KIFAP3: variants seen among roughly 807,000 people sequenced by gnomAD.
The protein encoded by KIFAP3 is kinesin-associated protein 3.
Under a neutral mutation model 106.5 loss-of-function variants are expected in KIFAP3, and 68 were observed. The observed-to-expected ratio is 0.64, with a 90% confidence interval of 0.53 to 0.78. KIFAP3 has a LOEUF of 0.78. Ranked by LOEUF, KIFAP3 falls within the 30% of genes least tolerant of loss-of-function variation. The probability of loss-of-function intolerance (pLI) is 0.00; values close to 1 mark genes in which losing one functional copy is unlikely to be tolerated. For synonymous variants in KIFAP3, 320 were observed against 311.5 expected (o/e 1.03, Z -0.29); for missense variants, 780 against 941.8 (o/e 0.83, Z 2.25).
intron 3 of KIFAP3, 24 bp from the exon 4 acceptor site, chr1:170,039,312 AAGG>A: frequency 7.1e-7 from 1 of 1,406,204 alleles, no homozygotes; most frequent in Non-Finnish European, 9.9e-7. Flanking sequence ...TTTTTTTAAT[AAGG>A]AGACTTAGGT....
chr1:170,074,730 C>T, upstream of KIFAP3: 1 of 1,359,176 alleles, frequency 7.4e-7, no homozygotes, highest in Non-Finnish European at 9.5e-7. Context: ...GCTTGCTCTG[C>T]ACCTCTTGTA....
intron 8 of KIFAP3, among the ~76,000 whole-genome samples, chr1:170,030,520 G>A (rs913017722): frequency 6.6e-6 from 1 of 151,814 alleles, no homozygotes; most frequent in African/African-American, 2.4e-5. Flanking sequence ...ACAAAGACTT[G>A]TAGAAAAATG....
intron 18 of KIFAP3, among the ~76,000 whole-genome samples, chr1:169,957,545 T>TA (rs1665088931): frequency 6.6e-6 from 1 of 152,022 alleles, no homozygotes; most frequent in Non-Finnish European, 1.5e-5. Context: ...CATTGTGAAT[T>TA]AAAAAAAATA....
At chr1:169,990,928 T>C (rs1667063289) in intron 11 of KIFAP3, among the ~76,000 whole-genome samples, 1 of 152,054 alleles carries the variant, frequency 6.6e-6, no homozygotes, top group Admixed American at 6.6e-5. Context: ...ATATTAACCA[T>C]AAACAAAATT....
At chr1:169,989,349 A>C (rs1385452524) in intron 11 of KIFAP3, among the ~76,000 whole-genome samples, 1 of 151,970 alleles carries the variant, frequency 6.6e-6, no homozygotes, top group Non-Finnish European at 1.5e-5. Flanking sequence ...ATTTAATGCT[A>C]TTCTCTTTAA....
intron 10 of KIFAP3, among the ~76,000 whole-genome samples, chr1:170,007,223 T>G (rs1042091524): frequency 3.3e-5 from 5 of 151,440 alleles, no homozygotes; most frequent in African/African-American, 1.2e-4. Flanking sequence ...AGTGACAGCC[T>G]GATTGGAAAA....
At chr1:170,043,799 T>C (rs570283206) in intron 3 of KIFAP3, among the ~76,000 whole-genome samples, 2 of 152,194 alleles carry the variant, frequency 1.3e-5, no homozygotes, top group African/African-American at 4.8e-5. Flanking sequence ...AGACAGTTAT[T>C]AAGAAATTGA....
At chr1:170,069,562 G>A (rs1450493627) in intron 1 of KIFAP3, among the ~76,000 whole-genome samples, 1 of 152,012 alleles carries the variant, frequency 6.6e-6, no homozygotes, top group Non-Finnish European at 1.5e-5. Flanking sequence ...AAGAAAAAAA[G>A]TACATGATTA....
At chr1:170,054,397 G>A (rs1250127932) in intron 2 of KIFAP3, among the ~76,000 whole-genome samples, 1 of 152,068 alleles carries the variant, frequency 6.6e-6, no homozygotes, top group African/African-American at 2.4e-5. Flanking sequence ...GGAAGACGGT[G>A]TGGCGATTCC....
chr1:170,074,498 G>C lies in KIFAP3; in HGVS notation c.-31C>G. The C allele has an allele frequency of 1.2e-6, 2 of 1,613,672 alleles. No individual in the cohort carries two copies. Among genetic ancestry groups the C allele is most frequent in the Non-Finnish European group, 1.7e-6 (2 of 1,179,838 alleles). ...CAGCGGCAGCGGCGTGGAGAGGATG[G>C]GGTATCTTGAGAGGCAGGCGCGGTT... is the stretch of plus-strand genomic sequence containing the variant. On this transcript the variant is annotated 5_prime_UTR_variant, in exon 1 of 20. Transcript: ENST00000361580.
intron 1 of KIFAP3, among the ~76,000 whole-genome samples, chr1:170,082,483 G>T (rs991539201): frequency 1.3e-5 from 2 of 152,186 alleles, no homozygotes; most frequent in African/African-American, 4.8e-5. Context: ...GGTCACCCAT[G>T]TGAATACAAT....
upstream of KIFAP3, among the ~76,000 whole-genome samples, chr1:170,076,391 G>A (rs1010878638): frequency 2.0e-5 from 3 of 152,160 alleles, no homozygotes; most frequent in African/African-American, 7.2e-5. Context: ...TGACAGTAAG[G>A]ACATAGTCAG....
At chr1:169,972,672 A>G (rs975991614) in intron 16 of KIFAP3, 74 bp from the exon 17 acceptor site, 35 of 666,992 alleles carry the variant, frequency 5.2e-5, no homozygotes, top group Non-Finnish European at 8.2e-5. Flanking sequence ...AAAATCTCAT[A>G]TTTTTCTAAA....
At chr1:169,963,158 T>C (rs1377009558) in intron 17 of KIFAP3, among the ~76,000 whole-genome samples, 1 of 152,180 alleles carries the variant, frequency 6.6e-6, no homozygotes, top group Non-Finnish European at 1.5e-5. Context: ...TGTGTTCATG[T>C]GTACTCAATG....
intron 10 of KIFAP3, among the ~76,000 whole-genome samples, chr1:170,014,333 A>G (rs1003624656): frequency 3.3e-5 from 5 of 152,230 alleles, no homozygotes; most frequent in Admixed American, 2.0e-4. Context: ...TCTAAATGTT[A>G]TCTTTCACTT....
intron 12 of KIFAP3, among the ~76,000 whole-genome samples, chr1:169,984,178 T>C (rs1571606354): frequency 1.3e-5 from 2 of 151,752 alleles, no homozygotes. Context: ...ACTTTTCAAA[T>C]AAGGCAAAAA....
chr1:169,982,830 T>G lies in KIFAP3; in HGVS notation c.1544A>C (p.Asp515Ala). The change falls in exon 14 of 20, where the codon GAT (aspartate) becomes GCT (alanine). Residue 515 changes from aspartate to alanine, a missense_variant. By Grantham distance (126) the Asp-to-Ala change is moderately radical. Coordinates refer to ENST00000361580, the MANE Select transcript of KIFAP3 (RefSeq NM_014970.4). ...TTCAATCACAAACTCCTCTTCTTCA[T>G]CATTAGAGATCTGGGCTGCAAGGTC... is the stretch of plus-strand genomic sequence containing the variant. ...VGDLAAQISN[D>A]EEEEFVIECL... is the part of the protein sequence containing the mutation. 2 of 1,602,782 alleles carry G rather than the reference T, an allele frequency of 1.2e-6. No individual in the cohort carries two copies. The highest frequency in any genetic ancestry group is 1.7e-6 in the Non-Finnish European group (2 of 1,172,752).
chr1:170,074,799 G>T, upstream of KIFAP3: 1 of 1,179,548 alleles, frequency 8.5e-7, no homozygotes, highest in Non-Finnish European at 1.1e-6. Flanking sequence ...GAGCCGAGCA[G>T]GGAAGTTTTG....
intron 1 of KIFAP3, among the ~76,000 whole-genome samples, chr1:170,072,273 C>T (rs371081639): frequency 5.3e-5 from 8 of 152,124 alleles, no homozygotes; most frequent in African/African-American, 1.9e-4. Flanking sequence ...GTTTCAGGCA[C>T]CTTGCTGAGT....
Sources: allele counts gnomAD v4.1 joint callset (sites outside exome capture counted in the v4.1 genomes callset), GRCh38; gene constraint gnomAD v4.1.1; transcripts MANE v1.5; gene names NCBI Gene and HGNC (gene_info 2026-07-23, HGNC 2026-07-21).